The following SLC9A7 variants were observed in gnomAD, a reference collection of about 807,000 sequenced individuals.
SLC9A7 encodes solute carrier family 9 member A7.
Under a neutral mutation model 52.6 loss-of-function variants are expected in SLC9A7, and 19 were observed. The observed-to-expected ratio is 0.36, with a 90% confidence interval of 0.25 to 0.53. The LOEUF (loss-of-function observed/expected upper bound fraction) is 0.53, where lower values mean the gene tolerates loss of function less well. Ranked by LOEUF, SLC9A7 falls within the 20% of genes least tolerant of loss-of-function variation. The pLI is 0.91. For synonymous variants in SLC9A7, 226 were observed against 252.1 expected (o/e 0.90, Z 0.98); for missense variants, 455 against 597.9 (o/e 0.76, Z 2.49).
At chrX:46,680,255 A>G (rs1415717705) in intron 2 of SLC9A7, among the ~76,000 whole-genome samples, 2 of 109,198 alleles carry the variant, frequency 1.8e-5, no homozygotes, top group African/African-American at 6.7e-5. Context: ...AGGCTGAGGC[A>G]GGAGAATCGC....
chrX:46,738,105 AAG>A (rs201752470), intron 1 of SLC9A7, among the ~76,000 whole-genome samples: 56 of 48,447 alleles, frequency 1.2e-3, no homozygotes, highest in African/African-American at 2.3e-3. Context: ...GAAAGAAAGA[AAG>A]AGAAAAGAAA....
intron 1 of SLC9A7, among the ~76,000 whole-genome samples, chrX:46,682,955 G>A (rs1464669949): frequency 7.2e-5 from 5 of 69,913 alleles, no homozygotes; most frequent in African/African-American, 2.5e-4. Context: ...CACTACACCC[G>A]GCTAATTTTT....
chrX:46,628,451 A>T (rs1166703750), intron 14 of SLC9A7, among the ~76,000 whole-genome samples: 1 of 112,014 alleles, frequency 8.9e-6, no homozygotes, highest in Non-Finnish European at 1.9e-5. Flanking sequence ...ACCAGGGGAC[A>T]CAAAGCTGAA....
chrX:46,666,451 G>A (rs1340485899), intron 5 of SLC9A7, among the ~76,000 whole-genome samples: 1 of 112,076 alleles, frequency 8.9e-6, no homozygotes, highest in Non-Finnish European at 1.9e-5. Flanking sequence ...TTTTTTAGGA[G>A]GCTGGTAAAA....
intron 13 of SLC9A7, among the ~76,000 whole-genome samples, chrX:46,633,982 A>ATTT (rs1943277028): frequency 9.0e-6 from 1 of 111,484 alleles, no homozygotes; most frequent in Non-Finnish European, 1.9e-5. Context: ...CAGGTACAGG[A>ATTT]TTTTAATTGC....
At chrX:46,731,611 T>C (rs1321234174) in intron 1 of SLC9A7, among the ~76,000 whole-genome samples, 1 of 107,983 alleles carries the variant, frequency 9.3e-6, no homozygotes, top group Admixed American at 9.9e-5. Context: ...AAAATAAAAA[T>C]TTAATAAAAA....
intron 14 of SLC9A7, among the ~76,000 whole-genome samples, chrX:46,623,390 C>T (rs182148967): frequency 9.6e-4 from 108 of 112,068 alleles, no homozygotes; most frequent in Middle Eastern, 4.6e-3. Context: ...CTCATGTCTT[C>T]AGCTCAGGCA....
chrX:46,711,184 C>T, intron 1 of SLC9A7, among the ~76,000 whole-genome samples: 1 of 112,990 alleles, frequency 8.9e-6, no homozygotes, highest in Non-Finnish European at 1.9e-5. Context: ...ATCTGTTTTC[C>T]CAGGTCTATT....
At chrX:46,685,913 G>A (rs1403290820) in intron 1 of SLC9A7, among the ~76,000 whole-genome samples, 3 of 111,743 alleles carry the variant, frequency 2.7e-5, no homozygotes, top group African/African-American at 9.8e-5. Context: ...CTAAAAATCA[G>A]AACCTGCTTC....
chrX:46,756,157 C>T (rs5906273), intron 1 of SLC9A7, among the ~76,000 whole-genome samples: 25,462 of 110,480 alleles, frequency 0.23, 2,384 homozygotes, highest in South Asian at 0.4. Flanking sequence ...CATTCATAAA[C>T]ATTTAAAAGT....
intron 15 of SLC9A7, among the ~76,000 whole-genome samples, chrX:46,618,089 T>C: frequency 9.0e-6 from 1 of 111,434 alleles, no homozygotes. Flanking sequence ...AGGTGAGCCC[T>C]GTGGTTGGTG....
At chrX:46,747,757 T>C (rs1921885065) in intron 1 of SLC9A7, among the ~76,000 whole-genome samples, 1 of 111,509 alleles carries the variant, frequency 9.0e-6, no homozygotes, top group African/African-American at 3.3e-5. Flanking sequence ...CCAAATAAAA[T>C]ATACAGATAG....
intron 1 of SLC9A7, among the ~76,000 whole-genome samples, chrX:46,738,037 AAG>A (rs1256895412): frequency 2.1e-4 from 2 of 9,647 alleles, no homozygotes; most frequent in African/African-American, 3.5e-4. Context: ...AAAAAAAAGA[AAG>A]AAAGAAAGAA....
chrX:46,643,436 A>G (rs780449072), intron 11 of SLC9A7, 47 bp from the exon 12 acceptor site: 3 of 1,119,783 alleles, frequency 2.7e-6, no homozygotes, highest in Non-Finnish European at 3.6e-6. Context: ...TTAAATGACA[A>G]TGTTGTCTCA....
In SLC9A7 at chrX:46,606,744, G is replaced by A. The variant is rs1942750296; in HGVS notation, c.*208C>T. 9.2e-7 allele frequency: 1 copy of A among 1,082,886 alleles called. No individual in the cohort carries two copies. Among genetic ancestry groups the A allele is most frequent in the Admixed American group, 3.9e-5 (1 of 25,836 alleles). The allele number at this position is 1,082,886 out of a possible 1,213,427, so 89.2% of individuals were successfully genotyped here. ...CTACTATGTGAAAAAAGTGGGAATA[G>A]GTCTACGTTTGTCTGAATTTAGAGA... On this transcript the variant is annotated 3_prime_UTR_variant, in exon 17 of 17. Coordinates refer to ENST00000616978, the MANE Select transcript of SLC9A7 (RefSeq NM_001257291.2).
In SLC9A7 at chrX:46,620,569, C is replaced by T. The variant is rs149889714; in HGVS notation, c.1823+408G>A. ...CCAGTTATGCCAGTATCAGATCATACAAGATCAGACTTGGCCGAGTTCATC... is the reference window on the plus strand; with the variant it reads ...CCAGTTATGCCAGTATCAGATCATATAAGATCAGACTTGGCCGAGTTCATC... On this transcript the variant is annotated intron_variant, in intron 15 of 16. Coordinates refer to ENST00000616978, the MANE Select transcript of SLC9A7 (RefSeq NM_001257291.2). 5.4e-3 allele frequency among the ~76,000 whole-genome samples: 602 copies of T among 112,283 alleles called. 2 individuals are homozygous for T. The highest frequency in any genetic ancestry group is 0.019 in the African/African-American group (574 of 30,978).
rs1473956705 is a variant in SLC9A7, at chrX:46,601,205, C to A, written c.*5747G>T. On this transcript the variant is annotated 3_prime_UTR_variant, in exon 17 of 17. Transcript: ENST00000616978. Reference sequence around the variant, plus strand: ...CTTTCTGATACACTCTTAGAACTCACAACGGGTGCACAGTAGGTTTCCAAG... The same window carrying A: ...CTTTCTGATACACTCTTAGAACTCAAAACGGGTGCACAGTAGGTTTCCAAG... 1 of 112,327 alleles carries A rather than the reference C, an allele frequency of 8.9e-6. No individual in the cohort carries two copies. The highest frequency in any genetic ancestry group is 9.5e-5 in the Admixed American group (1 of 10,575). The allele number at this position is 112,327 out of a possible 1,213,427, so 9.3% of individuals were successfully genotyped here.
intron 1 of SLC9A7, among the ~76,000 whole-genome samples, chrX:46,748,149 C>G (rs1921914301): frequency 9.1e-6 from 1 of 110,224 alleles, no homozygotes; most frequent in Admixed American, 9.7e-5. Flanking sequence ...GAGTTCGAGA[C>G]CAGCCTGACT....
Position 46,599,634 on chromosome X carries a change from G to A in SLC9A7, c.*7318C>T, listed in dbSNP as rs1300849671. 5 of 112,100 alleles carry A rather than the reference G, an allele frequency of 4.5e-5. No homozygotes were observed. The highest frequency in any genetic ancestry group is 9.4e-5 in the Non-Finnish European group (5 of 53,243). 9.2% of individuals were successfully genotyped at this position (112,100 alleles called of 1,213,427 possible). A position where few individuals can be genotyped will look rare whatever the true frequency, so the allele number is the denominator to read the frequency against. The stretch of plus-strand genomic sequence containing the variant: ...AACATTGAGTAAAATGCTAGGGAAA[G>A]ACGGCACTTTGGGGGCCTACTGCAG... On this transcript the variant is annotated 3_prime_UTR_variant, in exon 17 of 17. Coordinates refer to ENST00000616978, the MANE Select transcript of SLC9A7 (RefSeq NM_001257291.2).
Sources: gnomAD v4.1 joint callset for allele counts (sites outside exome capture counted in the v4.1 genomes callset) on GRCh38, gnomAD v4.1.1 for gene constraint, MANE v1.5 for transcripts, NCBI Gene and HGNC (gene_info 2026-07-23, HGNC 2026-07-21) for gene names.